ZNF33A: variants seen among roughly 807,000 people sequenced by gnomAD.
The protein encoded by ZNF33A is zinc finger protein 33A.
A neutral mutation model predicts 15.9 loss-of-function variants in ZNF33A; 9 were observed. That is an observed-to-expected ratio of 0.57 (90% CI 0.34 to 0.99). The LOEUF is 0.99. ZNF33A is among the 50% of genes least tolerant of loss of function. The pLI, the probability that ZNF33A is intolerant of heterozygous loss-of-function variation, is 0.02. For missense variants in ZNF33A, 843 were observed against 941.6 expected (o/e 0.90, Z 1.37); for synonymous variants, 294 against 324.2 (o/e 0.91, Z 1.00).
chr10:38,055,467 A>C lies in ZNF33A; in HGVS notation c.1343A>C (p.Lys448Thr). The change falls in exon 5 of 5, where the codon AAA (lysine) becomes ACA (threonine). Residue 448 changes from lysine to threonine, a missense_variant. Transcript: ENST00000432900. ...CCCTATGAATGTTATGAATGTGGAA[A>C]ATCCTTCCGTGTGACTTCGCACCTT... ...LKPYECYECG[K>T]SFRVTSHLKV... 6.2e-7 allele frequency: 1 copy of C among 1,614,080 alleles called. No individual in the cohort carries two copies. The highest frequency in any genetic ancestry group is 1.1e-5 in the South Asian group (1 of 91,078).
downstream of ZNF33A, among the ~76,000 whole-genome samples, chr10:38,062,046 C>T (rs1358215495): frequency 6.6e-6 from 1 of 152,136 alleles, no homozygotes; most frequent in Non-Finnish European, 1.5e-5. Flanking sequence ...GTGGTAAGGT[C>T]ATGAGAGCTC....
intron 4 of ZNF33A, among the ~76,000 whole-genome samples, chr10:38,027,290 G>A (rs117841901): frequency 6.6e-6 from 1 of 151,060 alleles, no homozygotes; most frequent in Admixed American, 6.6e-5. Context: ...GAATTTTTGT[G>A]TGTGTGTGTA....
intron 4 of ZNF33A, 79 bp downstream of exon 4, chr10:38,017,465 T>G (rs2064513194): frequency 7.8e-6 from 9 of 1,152,856 alleles, no homozygotes; most frequent in Non-Finnish European, 1.1e-5. Context: ...TTGGCAACTT[T>G]GGAAGATTTT....
chr10:38,038,563 T>C (rs1301558235), intron 4 of ZNF33A, among the ~76,000 whole-genome samples: 2 of 152,244 alleles, frequency 1.3e-5, no homozygotes, highest in African/African-American at 4.8e-5. Flanking sequence ...TAGTTTCACT[T>C]TTGTTTTCAA....
intron 4 of ZNF33A, among the ~76,000 whole-genome samples, chr10:38,026,200 A>C (rs2064978492): frequency 6.6e-6 from 1 of 152,244 alleles, no homozygotes; most frequent in Non-Finnish European, 1.5e-5. Flanking sequence ...GAACACTGGC[A>C]TATCATTATC....
At chr10:38,042,545 A>G (rs2065756057) in intron 4 of ZNF33A, among the ~76,000 whole-genome samples, 1 of 123,760 alleles carries the variant, frequency 8.1e-6, no homozygotes, top group African/African-American at 3.0e-5. Flanking sequence ...CTTGTTTATC[A>G]ATGTATTTAT....
At chr10:38,028,303 T>C (rs1311011349) in intron 4 of ZNF33A, among the ~76,000 whole-genome samples, 2 of 151,862 alleles carry the variant, frequency 1.3e-5, no homozygotes, top group African/African-American at 4.8e-5. Flanking sequence ...TAAAATAAAA[T>C]CCATTCTGCC....
At chr10:38,065,796 C>T (rs150832170), downstream of ZNF33A, among the ~76,000 whole-genome samples, 212 of 151,898 alleles carry the variant, frequency 1.4e-3, no homozygotes, top group African/African-American at 4.7e-3. Context: ...CTACAACCTC[C>T]GCCAACCGGG....
At chr10:38,020,330 AT>A (rs1487694955) in intron 4 of ZNF33A, among the ~76,000 whole-genome samples, 2 of 152,150 alleles carry the variant, frequency 1.3e-5, no homozygotes, top group East Asian at 3.9e-4. Flanking sequence ...CCCTAATGTG[AT>A]TATTTATCTT....
At chr10:38,060,322 C>T (rs1392545695), downstream of ZNF33A, among the ~76,000 whole-genome samples, 2 of 152,152 alleles carry the variant, frequency 1.3e-5, no homozygotes, top group Non-Finnish European at 2.9e-5. Flanking sequence ...GACAGTCCTC[C>T]TTGTCAGGGG....
downstream of ZNF33A, among the ~76,000 whole-genome samples, chr10:38,066,467 C>T (rs1269912697): frequency 3.3e-5 from 5 of 151,702 alleles, no homozygotes; most frequent in Admixed American, 6.6e-5. Flanking sequence ...TTGGCCAGGC[C>T]GGTCTTGAAT....
At chr10:38,024,883 A>G (rs760376487) in intron 4 of ZNF33A, among the ~76,000 whole-genome samples, 3 of 152,258 alleles carry the variant, frequency 2.0e-5, no homozygotes, top group Admixed American at 6.5e-5. Context: ...CCCAGGCTGT[A>G]TATGCTACCC....
chr10:38,060,032 GTAAA>G lies in ZNF33A; in HGVS notation c.*3480_*3483del, dbSNP rs1404055331. 9 of 985,042 alleles carry G rather than the reference GTAAA, an allele frequency of 9.1e-6. No individual in the cohort carries two copies. The highest frequency in any genetic ancestry group is 3.5e-5 in the African/African-American group (2 of 57,346). 61.0% of individuals were successfully genotyped at this position (985,042 alleles called of 1,614,324 possible). Reference sequence around the variant, plus strand: ...TACTCTAAAAAATGAAGTGTATCAAGTAAATAAATAACCAACCAACCAACCCTGA... The same window carrying G: ...TACTCTAAAAAATGAAGTGTATCAAGTAAATAACCAACCAACCAACCCTGA... On this transcript the variant is annotated 3_prime_UTR_variant, in exon 5 of 5. Transcript: ENST00000432900.
chr10:38,061,054 A>T (rs1212008404), downstream of ZNF33A, among the ~76,000 whole-genome samples: 1 of 152,106 alleles, frequency 6.6e-6, no homozygotes, highest in African/African-American at 2.4e-5. Context: ...ACTGATCAGC[A>T]TTTGAGCCCC....
chr10:38,013,852 A>G (rs1416738455), intron 2 of ZNF33A, among the ~76,000 whole-genome samples: 1 of 152,100 alleles, frequency 6.6e-6, no homozygotes, highest in African/African-American at 2.4e-5. Flanking sequence ...TAATGAATAC[A>G]CAGGTCAAAA....
At position 38,055,618 on chromosome 10, in the gene ZNF33A, A is replaced by T. The variant is rs770327851; in HGVS notation, c.1494A>T (p.Glu498Asp). The change falls in exon 5 of 5, where the codon GAA (glutamate) becomes GAT (aspartate). Residue 498 changes from glutamate (E) to aspartate (D), a missense_variant. Physicochemically the swap from Glu to Asp is conservative, Grantham distance 45. Coordinates refer to ENST00000432900, the MANE Select transcript of ZNF33A (RefSeq NM_006954.2). ...QRIHIGDKSY[E>D]CNACGKTFYH... ...TTCACATAGGAGATAAATCTTATGA[A>T]TGTAATGCATGTGGGAAAACTTTCT... The T allele has an allele frequency of 2.0e-5, 32 of 1,614,016 alleles. No individual in the cohort carries two copies. Among genetic ancestry groups the T allele is most frequent in the Non-Finnish European group, 2.6e-5 (31 of 1,180,010 alleles).
At chr10:38,011,646 TTTTG>T (rs2064191125) in intron 1 of ZNF33A, among the ~76,000 whole-genome samples, 1 of 152,192 alleles carries the variant, frequency 6.6e-6, no homozygotes, top group Admixed American at 6.5e-5. Context: ...TTTTTTGTTT[TTTTG>T]TTTGTTAAGG....
intron 4 of ZNF33A, among the ~76,000 whole-genome samples, chr10:38,029,870 T>C (rs1356095923): frequency 6.6e-6 from 1 of 152,102 alleles, no homozygotes; most frequent in Non-Finnish European, 1.5e-5. Context: ...TATCATTAGG[T>C]GCACCAGCAT....
Position 38,059,964 on chromosome 10 carries a change from G to C in ZNF33A, c.*3404G>C, listed in dbSNP as rs185659545. The C allele has an allele frequency of 1.6e-6, 1 of 630,934 alleles. No homozygotes were observed. The highest frequency in any genetic ancestry group is 2.0e-5 in the African/African-American group (1 of 50,338). The allele number at this position is 630,934 out of a possible 1,614,324, so 39.1% of individuals were successfully genotyped here. A position where few individuals can be genotyped will look rare whatever the true frequency, so the allele number is the denominator to read the frequency against. The stretch of plus-strand genomic sequence containing the variant: ...GATGGGAGGGGAAAGGGTTATATGA[G>C]AATTCTCTATACTTTTTGCTCAACT... On this transcript the variant is annotated 3_prime_UTR_variant, in exon 5 of 5. Coordinates refer to ENST00000432900, the MANE Select transcript of ZNF33A (RefSeq NM_006954.2).
Sources: gnomAD v4.1 joint callset for allele counts (sites outside exome capture counted in the v4.1 genomes callset) on GRCh38, gnomAD v4.1.1 for gene constraint, MANE v1.5 for transcripts, NCBI Gene and HGNC (gene_info 2026-07-23, HGNC 2026-07-21) for gene names.